ARID1B: variants seen among roughly 807,000 people sequenced by gnomAD.
ARID1B encodes AT-rich interaction domain 1B, also known as AT-rich interactive domain-containing protein 1B.
ARID1B carries 30 observed loss-of-function variants against 212.3 expected under a neutral mutation model. The observed-to-expected ratio is 0.14, with a 90% CI of 0.11 to 0.19. The LOEUF (loss-of-function observed/expected upper bound fraction) is 0.19. ARID1B is among the 10% of genes least tolerant of loss of function. ARID1B has a pLI of 1.00. For synonymous variants in ARID1B, 1,402 were observed against 1,301.7 expected (o/e 1.08, Z -1.66); for missense variants, 2,891 against 3,204.0 (o/e 0.90, Z 2.36).
rs550036431 is a variant in ARID1B, at chr6:157,088,581, G to A, written c.2491+3676G>A. Among the ~76,000 whole-genome samples, 21 of 152,162 alleles carry A rather than the reference G, an allele frequency of 1.4e-4. 1 individual carries two copies. In the East Asian group the frequency reaches 2.9e-3, roughly 21 times the overall value. ...TATTAAATATATTAAGTTATCCAGC[G>A]TGCATTATGTTATATATTTGTGTGA... On this transcript the variant is annotated intron_variant, in intron 5 of 19. Coordinates refer to ENST00000636930, the MANE Select transcript of ARID1B (RefSeq NM_001374828.1).
At chr6:157,202,750 A>C (rs1562347965) in intron 18 of ARID1B, among the ~76,000 whole-genome samples, 1 of 149,870 alleles carries the variant, frequency 6.7e-6, no homozygotes, top group Non-Finnish European at 1.5e-5. Context: ...GATAGATATA[A>C]ATATAGATAT....
chr6:157,210,088 C>T lies in ARID1B; in HGVS notation c.*2197C>T, dbSNP rs1025059256. The T allele has an allele frequency of 8.6e-6, 2 of 232,776 alleles. No individual in the cohort carries two copies. The highest frequency in any genetic ancestry group is 1.8e-4 in the South Asian group (1 of 5,518). 14.4% of individuals were successfully genotyped at this position (232,776 alleles called of 1,614,324 possible). A position where few individuals can be genotyped will look rare whatever the true frequency, so the allele number is the denominator to read the frequency against. The stretch of plus-strand genomic sequence containing the variant: ...TGTGAGACGTGACTCTCCAGTGTCA[C>T]GAGGAAAAAAATCATCTTTTCTGCA... On this transcript the variant is annotated 3_prime_UTR_variant, in exon 20 of 20. Coordinates refer to ENST00000636930, the MANE Select transcript of ARID1B (RefSeq NM_001374828.1).
chr6:157,088,377 G>A (rs1785079725), intron 5 of ARID1B, among the ~76,000 whole-genome samples: 1 of 152,156 alleles, frequency 6.6e-6, no homozygotes, highest in East Asian at 1.9e-4. Flanking sequence ...TTTGATAACA[G>A]TTCATCCAAC....
Position 157,190,196 on chromosome 6 carries a change from G to C in ARID1B, c.4217G>C (p.Gly1406Ala), listed in dbSNP as rs879892169. The change falls in exon 15 of 20, where the codon GGG becomes GCG. Residue 1406 changes from glycine (G) to alanine (A), a missense_variant. Gly to Ala is a moderately conservative substitution (Grantham distance 60). Coordinates refer to ENST00000636930, the MANE Select transcript of ARID1B (RefSeq NM_001374828.1). The surrounding 1 kb of genome is among the most constrained non-coding windows in gnomAD (Gnocchi z 4.6). The part of the protein sequence containing the change: ...MPYEPNKDPF[G>A]GMRKVPGSSE... ...TATGAGCCCAACAAGGACCCCTTTG[G>C]GGGAATGAGAAAAGGTACGTGTAGA... 1 of 1,612,356 alleles carries C rather than the reference G, an allele frequency of 6.2e-7. No individual in the cohort carries two copies. Among genetic ancestry groups the C allele is most frequent in the East Asian group, 2.2e-5 (1 of 44,870 alleles).
At chr6:156,828,128 G>A (rs1309784394) in intron 1 of ARID1B, among the ~76,000 whole-genome samples, 4 of 146,032 alleles carry the variant, frequency 2.7e-5, no homozygotes, top group Non-Finnish European at 6.0e-5. Context: ...GGAGTGGTGT[G>A]ATCATAGCTC....
Position 157,190,523 on chromosome 6 carries a change from C to T in ARID1B, c.4231+313C>T, listed in dbSNP as rs1793284456. 6.6e-6 allele frequency among the ~76,000 whole-genome samples: 1 copy of T among 152,216 alleles called. No homozygotes were observed. Among genetic ancestry groups the T allele is most frequent in the Non-Finnish European group, 1.5e-5 (1 of 68,044 alleles). On this transcript the variant is annotated intron_variant, in intron 15 of 19. Coordinates refer to ENST00000636930, the MANE Select transcript of ARID1B (RefSeq NM_001374828.1). This position sits in a 1 kb window ranked among gnomAD's most constrained non-coding sequence, Gnocchi z 4.6. ...TCTAGAAATTGGGAAAATAATAGGA[C>T]CCGCTTCCAAAGGCATGGCGAGGAT... is the stretch of plus-strand genomic sequence containing the variant.
chr6:156,965,728 A>G (rs1794696941), intron 4 of ARID1B, among the ~76,000 whole-genome samples: 2 of 152,312 alleles, frequency 1.3e-5, no homozygotes, highest in East Asian at 3.9e-4. Flanking sequence ...TTTGCTAATT[A>G]TTTTGGGGGG....
At chr6:156,944,561 A>G (rs764297078) in intron 4 of ARID1B, among the ~76,000 whole-genome samples, 4 of 152,180 alleles carry the variant, frequency 2.6e-5, no homozygotes, top group Non-Finnish European at 5.9e-5. Flanking sequence ...AACCAAATAA[A>G]TGAAAAAGCT....
intron 8 of ARID1B, among the ~76,000 whole-genome samples, chr6:157,153,033 G>A (rs1790317372): frequency 1.3e-5 from 2 of 152,190 alleles, no homozygotes; most frequent in African/African-American, 4.8e-5. Context: ...TAAAAATGAA[G>A]GATTGGGGCA....
At chr6:156,845,313 G>A (rs969600144) in intron 2 of ARID1B, among the ~76,000 whole-genome samples, 13 of 152,124 alleles carry the variant, frequency 8.5e-5, no homozygotes, top group African/African-American at 2.9e-4. Context: ...CTGCGCATTC[G>A]GAGTAAAGCA....
rs138679582 is a variant in ARID1B at position 157,156,323 on chromosome 6, G to A, written c.3089+7372G>A. On this transcript the variant is annotated intron_variant, in intron 8 of 19. Coordinates refer to ENST00000636930, the MANE Select transcript of ARID1B (RefSeq NM_001374828.1). ...AGATTTTTTATTTCTGCAATTAAAT[G>A]TAAGCCTTTGCATTATCATCTAAAT... 2.6e-3 allele frequency among the ~76,000 whole-genome samples: 393 copies of A among 152,288 alleles called. 3 individuals carry two copies. Among genetic ancestry groups the A allele is most frequent in the African/African-American group, 9.2e-3 (382 of 41,546 alleles).
intron 8 of ARID1B, among the ~76,000 whole-genome samples, chr6:157,157,061 C>T (rs941121992): frequency 2.0e-5 from 3 of 152,244 alleles, no homozygotes; most frequent in Non-Finnish European, 4.4e-5. Context: ...CTCCTCATCC[C>T]CTGAAATACT....
rs1794675216 is a variant in ARID1B at position 157,209,638 on chromosome 6, T to C, written c.*1747T>C. On this transcript the variant is annotated 3_prime_UTR_variant, in exon 20 of 20. Coordinates refer to ENST00000636930, the MANE Select transcript of ARID1B (RefSeq NM_001374828.1). ...AATCAAAGTTCAATCTATTCCTTGT[T>C]TCTTCTGTGTGCCTCAGAGTTATTT... The C allele has an allele frequency of 4.3e-6, 1 of 233,126 alleles. No individual in the cohort carries two copies. The highest frequency in any genetic ancestry group is 8.5e-6 in the Non-Finnish European group (1 of 118,038). The allele number at this position is 233,126 out of a possible 1,614,324, so 14.4% of individuals were successfully genotyped here. A position where few individuals can be genotyped will look rare whatever the true frequency, so the allele number is the denominator to read the frequency against.
intron 16 of ARID1B, among the ~76,000 whole-genome samples, chr6:157,197,172 T>C (rs750150491): frequency 2.0e-5 from 3 of 152,210 alleles, no homozygotes; most frequent in Non-Finnish European, 4.4e-5. Context: ...GTAAGAGACA[T>C]GATGATAAGC....
chr6:156,793,830 A>T (rs916006175), intron 1 of ARID1B, among the ~76,000 whole-genome samples: 6 of 152,264 alleles, frequency 3.9e-5, no homozygotes, highest in Non-Finnish European at 7.3e-5. Flanking sequence ...TGCTATAATA[A>T]AAAGCAATAG....
chr6:157,019,496 T>C (rs898855860), intron 4 of ARID1B, among the ~76,000 whole-genome samples: 5 of 152,202 alleles, frequency 3.3e-5, no homozygotes, highest in African/African-American at 1.2e-4. Context: ...TAAATTTAGT[T>C]CTGTTTAGTG....
chr6:156,813,814 T>G (rs2127993462), intron 1 of ARID1B, among the ~76,000 whole-genome samples: 1 of 152,312 alleles, frequency 6.6e-6, no homozygotes, highest in Non-Finnish European at 1.5e-5. Context: ...TTATCAATAC[T>G]TAGGGCATCC....
chr6:157,157,484 C>T (rs945584534), intron 8 of ARID1B, among the ~76,000 whole-genome samples: 5 of 152,106 alleles, frequency 3.3e-5, no homozygotes, highest in Non-Finnish European at 7.4e-5. Context: ...AATTTTTCAC[C>T]GCCCTGAAAT....
At chr6:157,075,029 C>T (rs1277235111) in intron 4 of ARID1B, among the ~76,000 whole-genome samples, 1 of 152,136 alleles carries the variant, frequency 6.6e-6, no homozygotes, top group East Asian at 1.9e-4. Context: ...TGACCACCTC[C>T]TTTTGAGTAG....
Sources: gnomAD v4.1 joint callset for allele counts (sites outside exome capture counted in the v4.1 genomes callset) on GRCh38, gnomAD v4.1.1 for gene constraint, Gnocchi (gnomAD v3.1) non-coding constraint, MANE v1.5 for transcripts, NCBI Gene and HGNC (gene_info 2026-07-23, HGNC 2026-07-21) for gene names.